TANC2: variants seen among roughly 807,000 people sequenced by gnomAD.
TANC2 encodes protein TANC2.
A neutral mutation model predicts 210.5 loss-of-function variants in TANC2; 26 were observed. That is an observed-to-expected ratio of 0.12 (90% confidence interval 0.09 to 0.17). The LOEUF (loss-of-function observed/expected upper bound fraction) is 0.17, where lower values mean the gene tolerates loss of function less well. TANC2 is among the 10% of genes least tolerant of loss of function. The pLI is 1.00. For missense variants in TANC2, 2,129 were observed against 2,608.9 expected, an observed-to-expected ratio of 0.82 and a Z score of 4.01; for synonymous variants, 931 against 967.1, an observed-to-expected ratio of 0.96 and a Z score of 0.69.
intron 2 of TANC2, among the ~76,000 whole-genome samples, chr17:63,017,581 A>C (rs1190893130): frequency 6.6e-6 from 1 of 152,154 alleles, no homozygotes; most frequent in Non-Finnish European, 1.5e-5. Context: ...AGCCCAAACA[A>C]ATTCTGAAAC....
At chr17:63,159,493 T>G in intron 5 of TANC2, among the ~76,000 whole-genome samples, 1 of 152,224 alleles carries the variant, frequency 6.6e-6, no homozygotes, top group South Asian at 2.1e-4. Flanking sequence ...TTTTGGAATA[T>G]AGCCTAGCAA....
chr17:63,221,674 C>T (rs1393995742), intron 7 of TANC2, among the ~76,000 whole-genome samples: 1 of 152,080 alleles, frequency 6.6e-6, no homozygotes, highest in Admixed American at 6.6e-5. Flanking sequence ...TATCAATAAT[C>T]ATTAGGAAAA....
At chr17:63,203,209 G>T (rs1381542905) in intron 7 of TANC2, among the ~76,000 whole-genome samples, 1 of 152,036 alleles carries the variant, frequency 6.6e-6, no homozygotes, top group East Asian at 1.9e-4. Flanking sequence ...ACACTAGCTA[G>T]CCCAGTTCTA....
intron 1 of TANC2, among the ~76,000 whole-genome samples, chr17:62,983,067 CTCT>C (rs2032384218): frequency 6.6e-6 from 1 of 152,110 alleles, no homozygotes; most frequent in Non-Finnish European, 1.5e-5. Context: ...CATTTTAACA[CTCT>C]TCTTCCATTA....
chr17:63,246,766 C>T (rs997284277), intron 8 of TANC2, among the ~76,000 whole-genome samples: 1 of 152,104 alleles, frequency 6.6e-6, no homozygotes, highest in Non-Finnish European at 1.5e-5. Context: ...CTGCTGTGAA[C>T]ATTTGTTTGC....
intron 1 of TANC2, among the ~76,000 whole-genome samples, chr17:62,973,265 C>T (rs927994336): frequency 6.6e-6 from 1 of 152,150 alleles, no homozygotes; most frequent in African/African-American, 2.4e-5. Flanking sequence ...CTTCTGACCT[C>T]GAATGATCGG....
chr17:63,166,329 G>T (rs2040209704), intron 5 of TANC2, among the ~76,000 whole-genome samples: 2 of 151,820 alleles, frequency 1.3e-5, no homozygotes, highest in South Asian at 2.1e-4. Flanking sequence ...GAGAGAGAGA[G>T]ATAGAGATTG....
chr17:63,072,755 GT>G (rs2036442312), intron 2 of TANC2, among the ~76,000 whole-genome samples: 1 of 152,004 alleles, frequency 6.6e-6, no homozygotes, highest in South Asian at 2.1e-4. Flanking sequence ...TTGATTAAAT[GT>G]TACTGTACTT....
intron 9 of TANC2, among the ~76,000 whole-genome samples, chr17:63,278,877 T>TA (rs955323429): frequency 2.0e-5 from 3 of 152,112 alleles, no homozygotes; most frequent in African/African-American, 7.2e-5. Context: ...TGATTCCACT[T>TA]ACATGAGGCA....
At chr17:63,285,073 ATTAG>A (rs1228914830) in intron 9 of TANC2, among the ~76,000 whole-genome samples, 2 of 152,118 alleles carry the variant, frequency 1.3e-5, no homozygotes, top group Non-Finnish European at 2.9e-5. Context: ...GTTAGCATAT[ATTAG>A]TTATCTTTGT....
At chr17:63,311,139 G>A (rs550884529) in intron 9 of TANC2, among the ~76,000 whole-genome samples, 1 of 152,190 alleles carries the variant, frequency 6.6e-6, no homozygotes, top group Non-Finnish European at 1.5e-5. Flanking sequence ...GTGCCAGTTA[G>A]CATGCTTAGA....
intron 14 of TANC2, among the ~76,000 whole-genome samples, chr17:63,362,031 A>T (rs1006012486): frequency 6.6e-6 from 1 of 151,636 alleles, no homozygotes; most frequent in African/African-American, 2.4e-5. Flanking sequence ...AGTTTGTCCC[A>T]TCAAGTGTGC....
In TANC2 at chr17:63,211,764, C is replaced by T. The variant is rs989808895; in HGVS notation, c.769+10807C>T. Among the ~76,000 whole-genome samples, 5 of 152,084 alleles carry T rather than the reference C, an allele frequency of 3.3e-5. 1 individual carries two copies. The highest frequency in any genetic ancestry group is 1.3e-4 in the Admixed American group (2 of 15,264). On this transcript the variant is annotated intron_variant, in intron 7 of 27. Transcript: ENST00000689528. The stretch of plus-strand genomic sequence containing the variant: ...TCATTTTTTATCTGTAGCATTTAGT[C>T]CAGTGACTGGCACATGGTAGCATAG...
chr17:63,160,686 G>C (rs1465097295), intron 5 of TANC2, among the ~76,000 whole-genome samples: 6 of 152,104 alleles, frequency 3.9e-5, no homozygotes, highest in Non-Finnish European at 4.4e-5. Context: ...GGAATTGATA[G>C]AAATCCAGGA....
At chr17:63,176,349 A>T (rs1320835714) in intron 5 of TANC2, among the ~76,000 whole-genome samples, 6 of 152,234 alleles carry the variant, frequency 3.9e-5, no homozygotes, top group African/African-American at 1.2e-4. Flanking sequence ...AATACTGCTC[A>T]GCTATGAAAA....
chr17:63,351,194 A>T, intron 12 of TANC2, 56 bp from the exon 13 acceptor site: 2 of 1,444,102 alleles, frequency 1.4e-6, no homozygotes, highest in Non-Finnish European at 9.4e-7. Flanking sequence ...AAGATCCAGT[A>T]AGAACTCATT....
Position 63,421,255 on chromosome 17 carries a change from A to T in TANC2, c.5525A>T (p.Asn1842Ile), listed in dbSNP as rs1369020821. ...TTAATCAGAAGACCTATCAGTGTCA[A>T]CCCTAACGAAATCAAACCGCACCCG... Residue 1842 changes from asparagine (N) to isoleucine (I), a missense_variant, in exon 28 of 28, where the codon AAC becomes ATC. Asn to Ile is a moderately radical substitution (Grantham distance 149, BLOSUM62 -3). Transcript: ENST00000689528. The surrounding 1 kb of genome is among the most constrained non-coding windows in gnomAD (Gnocchi z 6.9). 2 of 1,613,836 alleles carry T rather than the reference A, an allele frequency of 1.2e-6. No homozygotes were observed. The highest frequency in any genetic ancestry group is 1.7e-6 in the Non-Finnish European group (2 of 1,179,892).
chr17:63,324,588 T>G (rs1007502923), intron 11 of TANC2, among the ~76,000 whole-genome samples: 1 of 152,216 alleles, frequency 6.6e-6, no homozygotes, highest in African/African-American at 2.4e-5. Flanking sequence ...TTAGTAGAAA[T>G]GAGATCCAAA....
chr17:63,086,241 C>T (rs1392464049), intron 3 of TANC2, among the ~76,000 whole-genome samples: 7 of 151,990 alleles, frequency 4.6e-5, no homozygotes, highest in African/African-American at 7.3e-5. Flanking sequence ...TGGGAGTACT[C>T]GGAGCTTTCT....
Sources: gnomAD v4.1 joint callset for allele counts (sites outside exome capture counted in the v4.1 genomes callset) on GRCh38, gnomAD v4.1.1 for gene constraint, Gnocchi (gnomAD v3.1) non-coding constraint, MANE v1.5 for transcripts, NCBI Gene and HGNC (gene_info 2026-07-23, HGNC 2026-07-21) for gene names.